The following KCTD19 variants were observed in gnomAD, a reference collection of about 807,000 sequenced individuals.
The protein encoded by KCTD19 is BTB/POZ domain-containing protein KCTD19.
Under a neutral mutation model 103.5 loss-of-function variants are expected in KCTD19, and 67 were observed. That is an observed-to-expected ratio of 0.65 (90% confidence interval 0.53 to 0.79). KCTD19 has a LOEUF of 0.79. KCTD19 is among the 30% of genes least tolerant of loss of function. KCTD19 has a pLI of 0.00. For synonymous variants in KCTD19, 439 were observed against 452.2 expected (o/e 0.97, Z 0.37); for missense variants, 980 against 1,136.1 (o/e 0.86, Z 1.98).
chr16:67,314,816 TATATATATATATATAGAGAGAGAG>T (rs1282452185), intron 2 of KCTD19, among the ~76,000 whole-genome samples: 2 of 103,758 alleles, frequency 1.9e-5, no homozygotes, highest in Non-Finnish European at 1.8e-5. Context: ...TATATATATA[TATATATATATATATAGAGAGAGAG>T]AGAGAGAGAG....
intron 2 of KCTD19, among the ~76,000 whole-genome samples, chr16:67,319,443 T>A (rs2037048313): frequency 6.6e-6 from 1 of 152,110 alleles, no homozygotes; most frequent in Non-Finnish European, 1.5e-5. Flanking sequence ...GTTGGGTTAG[T>A]GCTGATAGAG....
intron 4 of KCTD19, chr16:67,302,207 A>T (rs1452374929): frequency 1.3e-5 from 4 of 319,094 alleles, no homozygotes; most frequent in Non-Finnish European, 2.4e-5. Context: ...TGGCCCTGAG[A>T]CTTACCCTGT....
intron 2 of KCTD19, among the ~76,000 whole-genome samples, chr16:67,306,159 G>T (rs1368786185): frequency 1.3e-5 from 2 of 152,222 alleles, no homozygotes; most frequent in African/African-American, 4.8e-5. Context: ...GAAGCTCTCA[G>T]CTTGGGAGAG....
In KCTD19 at chr16:67,298,353, G is replaced by A. The variant is rs147150367; in HGVS notation, c.987-690C>T. Among the ~76,000 whole-genome samples, 89 of 152,134 alleles carry A rather than the reference G, an allele frequency of 5.9e-4. No individual in the cohort carries two copies. The East Asian group carries it at 0.016, about 28-fold the overall frequency. On this transcript the variant is annotated intron_variant, in intron 6 of 15. Transcript: ENST00000304372. ...TGTAGGAGAGTAAGCCTGGACAACCGGTCACATTTTTGGAGCTGAGCTTGA... is the reference window on the plus strand; with the variant it reads ...TGTAGGAGAGTAAGCCTGGACAACCAGTCACATTTTTGGAGCTGAGCTTGA...
chr16:67,315,533 G>A (rs1224247370), intron 2 of KCTD19, among the ~76,000 whole-genome samples: 1 of 152,016 alleles, frequency 6.6e-6, no homozygotes, highest in East Asian at 1.9e-4. Context: ...CCAGGCTGGA[G>A]CACAGTGGCA....
chr16:67,295,723 G>A (rs2036757295), intron 8 of KCTD19: 1 of 335,016 alleles, frequency 3.0e-6, no homozygotes, highest in Admixed American at 4.3e-5. Context: ...TTCCCAGCAG[G>A]CCACTCGGTC....
intron 8 of KCTD19, 70 bp downstream of exon 8, chr16:67,296,089 G>C: frequency 1.1e-6 from 1 of 909,566 alleles, no homozygotes; most frequent in Non-Finnish European, 1.9e-6. Context: ...GTGAGGGCCA[G>C]GTGATGGCCC....
intron 1 of KCTD19, among the ~76,000 whole-genome samples, chr16:67,326,407 C>T (rs922608569): frequency 8.5e-5 from 13 of 152,070 alleles, no homozygotes; most frequent in African/African-American, 3.1e-4. Flanking sequence ...CGCCTTGCCC[C>T]AAAGTCAGCA....
chr16:67,292,087 A>G (rs964778376), intron 12 of KCTD19, among the ~76,000 whole-genome samples: 3 of 151,956 alleles, frequency 2.0e-5, no homozygotes, highest in Admixed American at 1.3e-4. Flanking sequence ...CTGGTCTCGA[A>G]CTCCTGACCT....
Position 67,289,649 on chromosome 16 carries a change from A to G in KCTD19, c.2701T>C (p.Cys901Arg), listed in dbSNP as rs1189960774. 1 of 1,614,092 alleles carries G rather than the reference A, an allele frequency of 6.2e-7. No individual in the cohort carries two copies. ...CCCCTCTGGATGAGCAGGTCCATGC[A>G]TCGGCCATATTTCCTGGCGAAGGGC... ...TLPFARKYGR[C>R]MDLLIQRGLS... Residue 901 changes from cysteine (C) to arginine (R), a missense_variant, in exon 16 of 16, where the codon TGC (cysteine) becomes CGC (arginine). Transcript: ENST00000304372.
At chr16:67,299,279 A>G in intron 6 of KCTD19, 84 bp downstream of exon 6, 2 of 1,268,176 alleles carry the variant, frequency 1.6e-6, no homozygotes, top group South Asian at 1.2e-5. Flanking sequence ...ACCTCTGGCT[A>G]GTGGGAAAGG....
At chr16:67,309,334 A>G (rs1434673965) in intron 2 of KCTD19, among the ~76,000 whole-genome samples, 1 of 152,192 alleles carries the variant, frequency 6.6e-6, no homozygotes, top group Non-Finnish European at 1.5e-5. Flanking sequence ...TACAATGGGC[A>G]GAGCCTATGG....
At chr16:67,297,755 C>T (rs1004852324) in intron 6 of KCTD19, 92 bp from the exon 7 acceptor site, 75 of 1,244,404 alleles carry the variant, frequency 6.0e-5, no homozygotes, top group Non-Finnish European at 7.3e-5. Flanking sequence ...GATGCCTTGC[C>T]GCAACACTGG....
intron 11 of KCTD19, 105 bp downstream of exon 11, chr16:67,294,475 T>C: frequency 1.2e-6 from 1 of 804,196 alleles, no homozygotes; most frequent in Non-Finnish European, 2.1e-6. Flanking sequence ...GCTCTGCTCT[T>C]TCATTTTGCT....
At chr16:67,321,120 G>A (rs2037068596) in intron 1 of KCTD19, among the ~76,000 whole-genome samples, 1 of 152,190 alleles carries the variant, frequency 6.6e-6, no homozygotes, top group African/African-American at 2.4e-5. Flanking sequence ...GAGACCAGGA[G>A]TTTGAGGTTG....
Position 67,300,922 on chromosome 16 carries a change from G to T in KCTD19, c.775+869C>A, listed in dbSNP as rs2036826673. On this transcript the variant is annotated intron_variant, in intron 5 of 15. Transcript: ENST00000304372. The surrounding 1 kb of genome is among the most constrained non-coding windows in gnomAD (Gnocchi z 4.5). ...GCCTCTCAAAATGCTGAGATTACAGGCATCAGCCACCAGCGCCTGGCCAAG... is the reference window on the plus strand; with the variant it reads ...GCCTCTCAAAATGCTGAGATTACAGTCATCAGCCACCAGCGCCTGGCCAAG... 1 of 152,260 alleles carries T rather than the reference G, an allele frequency of 6.6e-6. No individual in the cohort carries two copies. The highest frequency in any genetic ancestry group is 1.5e-5 in the Non-Finnish European group (1 of 68,072). The allele number at this position is 152,260 out of a possible 1,614,324, so 9.4% of individuals were successfully genotyped here.
rs1597393113 is a variant in KCTD19, at chr16:67,295,468, A to G, written c.1249-63T>C. ...TAGGTCTTTGCGAAGGGGCAGGTCA[A>G]TCTTCTCTCACTCCCCTTTTCCAAC... is the stretch of plus-strand genomic sequence containing the variant. On this transcript the variant is annotated intron_variant, in intron 8 of 15. Transcript: ENST00000304372. 2.2e-5 allele frequency: 33 copies of G among 1,485,754 alleles called. No individual in the cohort carries two copies. In the Middle Eastern group the frequency reaches 7.1e-4, roughly 32 times the overall value. 92.0% of individuals were successfully genotyped at this position (1,485,754 alleles called of 1,614,324 possible). A position where few individuals can be genotyped will look rare whatever the true frequency, so the allele number is the denominator to read the frequency against.
At chr16:67,301,975 C>G in intron 4 of KCTD19, 53 bp from the exon 5 acceptor site, 1 of 1,589,412 alleles carries the variant, frequency 6.3e-7, no homozygotes, top group Non-Finnish European at 8.6e-7. Flanking sequence ...TCTGGTTTAG[C>G]TGTAGGTCCT....
intron 2 of KCTD19, among the ~76,000 whole-genome samples, chr16:67,307,388 A>G (rs1334051088): frequency 6.8e-6 from 1 of 147,082 alleles, no homozygotes; most frequent in Non-Finnish European, 1.5e-5. Context: ...ATCTTGACTT[A>G]CTGCAACCTC....
Sources: gnomAD v4.1 joint callset for allele counts (sites outside exome capture counted in the v4.1 genomes callset) on GRCh38, gnomAD v4.1.1 for gene constraint, Gnocchi (gnomAD v3.1) non-coding constraint, MANE v1.5 for transcripts, NCBI Gene and HGNC (gene_info 2026-07-23, HGNC 2026-07-21) for gene names.